Variants in MAPK8IP2 observed in about 807,000 individuals in gnomAD.
MAPK8IP2 encodes mitogen-activated protein kinase 8 interacting protein 2.
MAPK8IP2 carries 15 observed loss-of-function variants against 75.6 expected under a neutral mutation model. The ratio of observed to expected loss-of-function variants is 0.20; its 90% CI spans 0.13 to 0.31. The LOEUF (loss-of-function observed/expected upper bound fraction) is 0.31, where lower values mean the gene tolerates loss of function less well. MAPK8IP2 is among the 10% of genes least tolerant of loss of function. The probability of loss-of-function intolerance (pLI) is 1.00; values close to 1 mark genes in which losing one functional copy is unlikely to be tolerated. For missense variants in MAPK8IP2, 1,089 were observed against 1,211.2 expected (o/e 0.90, Z 1.50); for synonymous variants, 632 against 554.5 (o/e 1.14, Z -1.96).
chr22:50,604,238 C>A lies in MAPK8IP2; in HGVS notation c.939C>A (p.Pro313=). Residue 313 remains proline (P), a synonymous_variant, in exon 5 of 12, where the codon CCC becomes CCA. Coordinates refer to ENST00000329492, the MANE Select transcript of MAPK8IP2 (RefSeq NM_012324.6). The part of the protein sequence containing the change: ...PASEPEPPRE[P]PRRPAFLPVG... ...CGGAGCCGGAGCCCCCGCGCGAACC[C>A]CCGCGCCGCCCCGCCTTCCTGCCCG... is the stretch of plus-strand genomic sequence containing the variant. The A allele has an allele frequency of 1.9e-6, 3 of 1,562,946 alleles. No individual in the cohort carries two copies. The highest frequency in any genetic ancestry group is 2.3e-5 in the East Asian group (1 of 42,646).
At position 50,604,891 on chromosome 22, in the gene MAPK8IP2, G is replaced by A. The variant is rs967788465; in HGVS notation, c.1592G>A (p.Gly531Glu). The A allele has an allele frequency of 1.9e-6, 3 of 1,609,030 alleles. No individual in the cohort carries two copies. Among genetic ancestry groups the A allele is most frequent in the Non-Finnish European group, 2.5e-6 (3 of 1,178,606 alleles). ...CTGGTGAGCCTGCGGCGCTGTGCTG[G>A]GCTGGGCCACGACAGCGAAGAGGAC... ...LELVSLRRCA[G>E]LGHDSEEDSG... The change falls in exon 5 of 12, where the codon GGG becomes GAG. Residue 531 changes from glycine to glutamate, a missense_variant. Physicochemically the swap from Gly to Glu is moderately conservative, Grantham distance 98. Transcript: ENST00000329492.
intron 10 of MAPK8IP2, among the ~76,000 whole-genome samples, chr22:50,608,972 C>T (rs1387737654): frequency 6.6e-6 from 1 of 152,128 alleles, no homozygotes. Context: ...GCTAGAATTT[C>T]GTGAGAGGAA....
Position 50,610,869 on chromosome 22 carries a change from C to A in MAPK8IP2, c.*90C>A. On this transcript the variant is annotated 3_prime_UTR_variant, in exon 12 of 12. Coordinates refer to ENST00000329492, the MANE Select transcript of MAPK8IP2 (RefSeq NM_012324.6). The surrounding 1 kb of genome is among the most constrained non-coding windows in gnomAD (Gnocchi z 4.3). ...GAGGCCACCATGGCTTTGGCAAGGACTGGATTGGGGGGACATGGGACCTTA... is the reference window on the plus strand; with the variant it reads ...GAGGCCACCATGGCTTTGGCAAGGAATGGATTGGGGGGACATGGGACCTTA... 8.3e-7 allele frequency: 1 copy of A among 1,202,032 alleles called. No individual in the cohort carries two copies. Among genetic ancestry groups the A allele is most frequent in the Non-Finnish European group, 1.2e-6 (1 of 847,084 alleles). The allele number at this position is 1,202,032 out of a possible 1,614,324, so 74.5% of individuals were successfully genotyped here. A position where few individuals can be genotyped will look rare whatever the true frequency, so the allele number is the denominator to read the frequency against.
Position 50,603,339 on chromosome 22 carries a change from AGAGGAGGAG to A in MAPK8IP2, c.302_310del (p.Glu101_Glu103del), listed in dbSNP as rs572434194. On this transcript the variant is annotated inframe_deletion, in exon 3 of 12. Coordinates refer to ENST00000329492, the MANE Select transcript of MAPK8IP2 (RefSeq NM_012324.6). ...AAGAGGAGGACGATGAGGACGAGGA[AGAGGAGGAG>A]GAGGAGGAGGAGGGAGATGGGGAAG... 2 of 1,555,110 alleles carry A rather than the reference AGAGGAGGAG, an allele frequency of 1.3e-6. No homozygotes were observed. Among genetic ancestry groups the A allele is most frequent in the East Asian group, 2.4e-5 (1 of 41,876 alleles).
chr22:50,603,827 T>C lies in MAPK8IP2; in HGVS notation c.542-14T>C. 6.6e-7 allele frequency: 1 copy of C among 1,524,674 alleles called. No homozygotes were observed. Among genetic ancestry groups the C allele is most frequent in the Non-Finnish European group, 8.8e-7 (1 of 1,134,624 alleles). The allele number at this position is 1,524,674 out of a possible 1,614,324, so 94.4% of individuals were successfully genotyped here. A position where few individuals can be genotyped will look rare whatever the true frequency, so the allele number is the denominator to read the frequency against. On this transcript the variant is annotated splice_polypyrimidine_tract_variant and intron_variant, in intron 4 of 11. Transcript: ENST00000329492. ...GTGGTGCAGAGAGGGTGACCCCACC[T>C]CCCTGCCCAGCAGAGCTCCCGGGCC...
chr22:50,605,757 A>G, intron 7 of MAPK8IP2, 23 bp downstream of exon 7: 1 of 1,603,448 alleles, frequency 6.2e-7, no homozygotes, highest in Non-Finnish European at 8.5e-7. Context: ...CCCCGAGGGG[A>G]GGCTTTTCAC....
chr22:50,605,631 G>A lies in MAPK8IP2; in HGVS notation c.1911G>A (p.Glu637=). ...VDDPVLVEAE[E]DDFWFRGFNM... is the part of the protein sequence containing the mutation. The stretch of plus-strand genomic sequence containing the variant: ...ACCCTGTGTTGGTGGAGGCCGAGGA[G>A]GACGACTTCTGGTTCCGTGGCTTCA... The change falls in exon 7 of 12, where the codon GAG becomes GAA. Residue 637 remains glutamate, a synonymous_variant. Coordinates refer to ENST00000329492, the MANE Select transcript of MAPK8IP2 (RefSeq NM_012324.6). 1 of 1,611,572 alleles carries A rather than the reference G, an allele frequency of 6.2e-7. No individual in the cohort carries two copies. The highest frequency in any genetic ancestry group is 8.5e-7 in the Non-Finnish European group (1 of 1,179,224).
chr22:50,605,086 G>A (rs759201482), intron 5 of MAPK8IP2, 22 bp downstream of exon 5: 9 of 1,608,964 alleles, frequency 5.6e-6, no homozygotes, highest in Non-Finnish European at 7.6e-6. Context: ...GTGGGGAAAA[G>A]GGGGGTGGCC....
chr22:50,606,382 G>T (rs2071050615), intron 8 of MAPK8IP2, among the ~76,000 whole-genome samples: 1 of 29,070 alleles, frequency 3.4e-5, no homozygotes, highest in Non-Finnish European at 1.1e-4. Context: ...GGCGGGTGAG[G>T]TCTCTGTTCC....
Position 50,611,045 on chromosome 22 carries a change from C to T in MAPK8IP2, c.*266C>T, listed in dbSNP as rs2071141688. 4.4e-6 allele frequency: 2 copies of T among 455,854 alleles called. No individual in the cohort carries two copies. Among genetic ancestry groups the T allele is most frequent in the South Asian group, 7.2e-5 (2 of 27,886 alleles). The allele number at this position is 455,854 out of a possible 1,614,324, so 28.2% of individuals were successfully genotyped here. The stretch of plus-strand genomic sequence containing the variant: ...TCCTCCTCCTTCCCTTCCCAGTCTC[C>T]CTTTTCTCTCTCCTGGTGTCTCTGC... On this transcript the variant is annotated 3_prime_UTR_variant, in exon 12 of 12. Coordinates refer to ENST00000329492, the MANE Select transcript of MAPK8IP2 (RefSeq NM_012324.6). This position sits in a 1 kb window ranked among gnomAD's most constrained non-coding sequence, Gnocchi z 5.5.
Position 50,603,006 on chromosome 22 carries a change from AT to A in MAPK8IP2, c.172-215del, listed in dbSNP as rs2146679252. ...TGGGGCTGCTCTGAGAATCCCTGTCATTCAGCTGTAGAGTTTAGGCCCTTCC... is the reference window on the plus strand; with the variant it reads ...TGGGGCTGCTCTGAGAATCCCTGTCATCAGCTGTAGAGTTTAGGCCCTTCC... On this transcript the variant is annotated intron_variant, in intron 2 of 11. Coordinates refer to ENST00000329492, the MANE Select transcript of MAPK8IP2 (RefSeq NM_012324.6). The A allele has an allele frequency of 5.4e-6, 5 of 927,398 alleles. No homozygotes were observed. The Admixed American group carries it at 1.2e-4, about 22-fold the overall frequency. The allele number at this position is 927,398 out of a possible 1,614,324, so 57.4% of individuals were successfully genotyped here.
chr22:50,609,793 C>T (rs1263725312), intron 10 of MAPK8IP2: 1 of 519,882 alleles, frequency 1.9e-6, no homozygotes, highest in East Asian at 5.4e-5. Flanking sequence ...GGGTAACGTC[C>T]AGCCCCACCT....
chr22:50,603,309 C>T lies in MAPK8IP2; in HGVS notation c.258C>T (p.Asp86=), dbSNP rs528941485. The part of the protein sequence containing the change: ...DDFQEFEMID[D]NEEEDDEDEE... ...TCCAGGAGTTTGAGATGATCGATGACAATGAAGAGGAGGACGATGAGGACG... is the reference window on the plus strand; with the variant it reads ...TCCAGGAGTTTGAGATGATCGATGATAATGAAGAGGAGGACGATGAGGACG... The change falls in exon 3 of 12, where the codon GAC becomes GAT. Residue 86 remains aspartate (D), a synonymous_variant. Transcript: ENST00000329492. 2 of 1,569,526 alleles carry T rather than the reference C, an allele frequency of 1.3e-6. No homozygotes were observed. Among genetic ancestry groups the T allele is most frequent in the South Asian group, 2.3e-5 (2 of 86,622 alleles).
chr22:50,607,195 A>C lies in MAPK8IP2; in HGVS notation c.2303+204A>C. On this transcript the variant is annotated intron_variant, in intron 10 of 11. Coordinates refer to ENST00000329492, the MANE Select transcript of MAPK8IP2 (RefSeq NM_012324.6). This position sits in a 1 kb window ranked among gnomAD's most constrained non-coding sequence, Gnocchi z 5.6. ...GGAGGCGTGGGTCAGACAGGCTTGC[A>C]TCCAGTCTGGGTGGAGAGAGGCACA... 6.6e-6 allele frequency among the ~76,000 whole-genome samples: 1 copy of C among 152,102 alleles called. No individual in the cohort carries two copies. Among genetic ancestry groups the C allele is most frequent in the East Asian group, 1.9e-4 (1 of 5,182 alleles).
At chr22:50,608,256 G>C (rs2071082401) in intron 10 of MAPK8IP2, among the ~76,000 whole-genome samples, 1 of 151,758 alleles carries the variant, frequency 6.6e-6, no homozygotes, top group South Asian at 2.1e-4. Flanking sequence ...CAGTGGGGTG[G>C]AGAGGTGGGA....
At chr22:50,606,479 T>C (rs73445585) in intron 8 of MAPK8IP2, among the ~76,000 whole-genome samples, 179 bp from the exon 9 acceptor site, 8,650 of 128,994 alleles carry the variant, frequency 0.067, 334 homozygotes, top group African/African-American at 0.12. Flanking sequence ...TTGCTCCTCC[T>C]GAGCCTGAGG....
rs1324118965 is a variant in MAPK8IP2 at position 50,605,816 on chromosome 22, G to A, written c.2015-9G>A. The A allele has an allele frequency of 5.7e-6, 9 of 1,589,474 alleles. No homozygotes were observed. In the East Asian group the frequency reaches 9.2e-5, roughly 16 times the overall value. On this transcript the variant is annotated splice_polypyrimidine_tract_variant and intron_variant, in intron 7 of 11. Coordinates refer to ENST00000329492, the MANE Select transcript of MAPK8IP2 (RefSeq NM_012324.6). ...GCCTGACCTGGGCCCTCTGTGCCCC[G>A]CTCCCCAGGGAGTAAGCGGAGCCCC...
chr22:50,605,299 C>T, intron 5 of MAPK8IP2, 69 bp from the exon 6 acceptor site: 1 of 1,476,868 alleles, frequency 6.8e-7, no homozygotes, highest in Non-Finnish European at 9.4e-7. Flanking sequence ...TGCCCAAGGC[C>T]AGGCCTCTAA....
rs565536201 is a variant in MAPK8IP2, at chr22:50,610,911, C to T, written c.*132C>T. On this transcript the variant is annotated 3_prime_UTR_variant, in exon 12 of 12. Transcript: ENST00000329492. This position sits in a 1 kb window ranked among gnomAD's most constrained non-coding sequence, Gnocchi z 4.3. ...GGGACCTTACGCTTGTGGGGGTCTG[C>T]GGGCTGGGAACTCTCGTCCTCGGTC... is the stretch of plus-strand genomic sequence containing the variant. 3.7e-4 allele frequency: 276 copies of T among 745,922 alleles called. 2 individuals carry two copies. The highest frequency in any genetic ancestry group is 1.9e-3 in the South Asian group (99 of 50,886). 46.2% of individuals were successfully genotyped at this position (745,922 alleles called of 1,614,324 possible).
Sources: allele counts gnomAD v4.1 joint callset (sites outside exome capture counted in the v4.1 genomes callset), GRCh38; gene constraint gnomAD v4.1.1; non-coding constraint Gnocchi (gnomAD v3.1); transcripts MANE v1.5; gene names NCBI Gene and HGNC (gene_info 2026-07-23, HGNC 2026-07-21).